Variants in CPNE4 observed in about 807,000 individuals in gnomAD.
CPNE4 encodes copine 4, also known as copine-4.
In CPNE4, 25 loss-of-function variants were observed where a neutral mutation model predicts 67.9. The observed-to-expected ratio is 0.37, with a 90% confidence interval of 0.27 to 0.51. CPNE4 has a LOEUF of 0.51. Ranked by LOEUF, CPNE4 falls within the 20% of genes least tolerant of loss-of-function variation. CPNE4 has a pLI of 0.93. For synonymous variants in CPNE4, 242 were observed against 244.9 expected (o/e 0.99, Z 0.11); for missense variants, 464 against 690.8 (o/e 0.67, Z 3.68).
At chr3:131,879,476 G>C (rs190527412) in intron 2 of CPNE4, among the ~76,000 whole-genome samples, 1 of 152,240 alleles carries the variant, frequency 6.6e-6, no homozygotes, top group East Asian at 1.9e-4. Flanking sequence ...TCAGGTTTAA[G>C]GCTGTATCAG....
At chr3:131,878,716 C>G (rs570380987) in intron 2 of CPNE4, among the ~76,000 whole-genome samples, 18 of 152,238 alleles carry the variant, frequency 1.2e-4, no homozygotes, top group East Asian at 5.8e-4. Flanking sequence ...CATTCTTAAC[C>G]CGTTTGCTAT....
chr3:131,790,388 C>G (rs1048386106), intron 2 of CPNE4, among the ~76,000 whole-genome samples: 4 of 152,068 alleles, frequency 2.6e-5, no homozygotes, highest in African/African-American at 9.7e-5. Flanking sequence ...CTTTGTTCTG[C>G]AGGCCAATTG....
intron 2 of CPNE4, among the ~76,000 whole-genome samples, chr3:131,744,077 T>C (rs1291496830): frequency 6.6e-6 from 1 of 151,194 alleles, no homozygotes; most frequent in Non-Finnish European, 1.5e-5. Context: ...TTGAATGCAA[T>C]GTAAGAAAAA....
At chr3:131,977,700 C>T (rs2072701548) in intron 1 of CPNE4, among the ~76,000 whole-genome samples, 1 of 151,844 alleles carries the variant, frequency 6.6e-6, no homozygotes, top group Non-Finnish European at 1.5e-5. Context: ...AATATTTTTT[C>T]ATAAGTTACA....
At chr3:131,608,468 G>A (rs1187328830) in intron 7 of CPNE4, among the ~76,000 whole-genome samples, 1 of 152,042 alleles carries the variant, frequency 6.6e-6, no homozygotes, top group African/African-American at 2.4e-5. Context: ...ACAGGATGTG[G>A]GTCTTCTAGG....
Position 131,728,036 on chromosome 3 carries a change from G to A in CPNE4, c.181-4411C>T, listed in dbSNP as rs369773043. Among the ~76,000 whole-genome samples, 9 of 152,068 alleles carry A rather than the reference G, an allele frequency of 5.9e-5. No individual in the cohort carries two copies. The East Asian group carries it at 1.3e-3, about 23-fold the overall frequency. ...CATATTCATGTACAATCCTTTGTAT[G>A]GGCATGTATTTCCTCTTCTTTTGGG... is the stretch of plus-strand genomic sequence containing the variant. On this transcript the variant is annotated intron_variant, in intron 2 of 15. Transcript: ENST00000429747.
intron 14 of CPNE4, among the ~76,000 whole-genome samples, chr3:131,545,752 G>A (rs2107635403): frequency 6.6e-6 from 1 of 152,236 alleles, no homozygotes; most frequent in Admixed American, 6.5e-5. Flanking sequence ...TATAATATGG[G>A]TCTTATGTTG....
chr3:131,721,407 T>TG (rs2081883055), intron 3 of CPNE4, among the ~76,000 whole-genome samples: 1 of 151,082 alleles, frequency 6.6e-6, no homozygotes, highest in Non-Finnish European at 1.5e-5. Context: ...CCTTTTTTTT[T>TG]TTTTTTGAGA....
intron 2 of CPNE4, among the ~76,000 whole-genome samples, chr3:131,729,106 T>C (rs2082070958): frequency 6.6e-6 from 1 of 152,094 alleles, no homozygotes; most frequent in African/African-American, 2.4e-5. Flanking sequence ...CCAAAATTAT[T>C]GTCAGTCACT....
intron 2 of CPNE4, among the ~76,000 whole-genome samples, chr3:131,764,742 A>G (rs1408664402): frequency 6.6e-6 from 1 of 152,166 alleles, no homozygotes; most frequent in Non-Finnish European, 1.5e-5. Context: ...TTAGCAAGAA[A>G]TATATGACTG....
chr3:131,857,416 A>G (rs1322187374), intron 2 of CPNE4, among the ~76,000 whole-genome samples: 1 of 152,042 alleles, frequency 6.6e-6, no homozygotes, highest in Non-Finnish European at 1.5e-5. Flanking sequence ...TAAAGTTCCC[A>G]GAACAAGTCA....
At chr3:131,918,421 T>G (rs2070638867) in intron 1 of CPNE4, among the ~76,000 whole-genome samples, 1 of 152,154 alleles carries the variant, frequency 6.6e-6, no homozygotes, top group African/African-American at 2.4e-5. Flanking sequence ...AAAGACAAGG[T>G]TTCTATCTTC....
chr3:131,753,718 A>G (rs2082685408), intron 2 of CPNE4, among the ~76,000 whole-genome samples: 1 of 152,150 alleles, frequency 6.6e-6, no homozygotes. Context: ...TTGAAATAAC[A>G]ATACATATAG....
chr3:131,751,581 T>C (rs1234674778), intron 2 of CPNE4, among the ~76,000 whole-genome samples: 1 of 152,180 alleles, frequency 6.6e-6, no homozygotes, highest in Non-Finnish European at 1.5e-5. Flanking sequence ...AGCACTTTAA[T>C]TATGGCTGCT....
At chr3:131,685,985 G>A in intron 5 of CPNE4, 27 bp from the exon 6 acceptor site, 2 of 1,293,020 alleles carry the variant, frequency 1.5e-6, no homozygotes, top group South Asian at 2.4e-5. Context: ...TCAATGAATT[G>A]TTTTTCCTCC....
intron 15 of CPNE4, among the ~76,000 whole-genome samples, chr3:131,541,516 T>C (rs1026454849): frequency 1.4e-4 from 21 of 152,090 alleles, no homozygotes; most frequent in African/African-American, 4.3e-4. Context: ...GGTATTAATT[T>C]ATAGAAAACT....
intron 2 of CPNE4, among the ~76,000 whole-genome samples, chr3:131,737,350 C>T (rs1171877824): frequency 1.3e-5 from 2 of 151,776 alleles, no homozygotes; most frequent in East Asian, 3.9e-4. Context: ...TCTCGAGTGT[C>T]GTGTCTCTTT....
intron 7 of CPNE4, among the ~76,000 whole-genome samples, chr3:131,662,493 G>T (rs953502129): frequency 6.6e-6 from 1 of 152,170 alleles, no homozygotes; most frequent in Non-Finnish European, 1.5e-5. Context: ...CTACATAAGG[G>T]TGGTACCTGT....
At chr3:131,900,647 T>C (rs752056883) in intron 2 of CPNE4, among the ~76,000 whole-genome samples, 1 of 152,118 alleles carries the variant, frequency 6.6e-6, no homozygotes, top group Admixed American at 6.6e-5. Context: ...TAGTGCTCAA[T>C]ACATGCTGGG....
Sources: gnomAD v4.1 joint callset for allele counts (sites outside exome capture counted in the v4.1 genomes callset) on GRCh38, gnomAD v4.1.1 for gene constraint, MANE v1.5 for transcripts, NCBI Gene and HGNC (gene_info 2026-07-23, HGNC 2026-07-21) for gene names.